SLC17A9: variants seen among roughly 807,000 people sequenced by gnomAD.
The protein encoded by SLC17A9 is solute carrier family 17 member 9, also known as voltage-gated purine nucleotide uniporter SLC17A9.
A neutral mutation model predicts 55.0 loss-of-function variants in SLC17A9; 49 were observed. The observed-to-expected ratio is 0.89, with a 90% confidence interval of 0.71 to 1.13. The LOEUF (loss-of-function observed/expected upper bound fraction) is 1.13, where lower values mean the gene tolerates loss of function less well. SLC17A9 is among the 50% of genes most tolerant of loss of function. The pLI is 0.00. For synonymous variants in SLC17A9, 256 were observed against 247.4 expected (o/e 1.03, Z -0.32); for missense variants, 526 against 569.3 (o/e 0.92, Z 0.77).
chr20:62,958,095 G>T lies in SLC17A9; in HGVS notation c.397+515G>T, dbSNP rs1015345247. Among the ~76,000 whole-genome samples the T allele has an allele frequency of 6.6e-6, 1 of 152,170 alleles. No individual in the cohort carries two copies. The highest frequency in any genetic ancestry group is 2.4e-5 in the African/African-American group (1 of 41,432). On this transcript the variant is annotated intron_variant, in intron 3 of 12. Transcript: ENST00000370351. This position sits in a 1 kb window ranked among gnomAD's most constrained non-coding sequence, Gnocchi z 4.1. ...CATGTGTATGTGTGTGTGCGTTCCT[G>T]TATCCATGTGTATGTGCGTATGCGT...
intron 1 of SLC17A9, among the ~76,000 whole-genome samples, chr20:62,953,896 G>T (rs1226621142): frequency 6.6e-6 from 1 of 152,212 alleles, no homozygotes; most frequent in Admixed American, 6.5e-5. Context: ...AGAGGGGAGG[G>T]CTGCCCTCAG....
chr20:62,967,226 T>G, intron 12 of SLC17A9, 111 bp from the exon 13 acceptor site: 1 of 1,307,296 alleles, frequency 7.6e-7, no homozygotes, highest in Non-Finnish European at 1.1e-6. Context: ...GGGGCTCCTA[T>G]CAGGCGCTAG....
At chr20:62,954,286 C>T (rs2065516781) in intron 1 of SLC17A9, among the ~76,000 whole-genome samples, 1 of 152,244 alleles carries the variant, frequency 6.6e-6, no homozygotes, top group Non-Finnish European at 1.5e-5. Flanking sequence ...CTAGCCCGCC[C>T]TCCTGCAGCC....
intron 1 of SLC17A9, among the ~76,000 whole-genome samples, chr20:62,955,715 A>G (rs552381126): frequency 6.6e-5 from 10 of 152,326 alleles, no homozygotes; most frequent in African/African-American, 2.4e-4. Flanking sequence ...TGTTAAGTCA[A>G]TGAAAACTGT....
intron 10 of SLC17A9, 60 bp from the exon 11 acceptor site, chr20:62,966,465 C>A (rs1252977324): frequency 1.9e-6 from 3 of 1,582,756 alleles, no homozygotes; most frequent in South Asian, 1.1e-5. Context: ...CCTGTGACAA[C>A]CCTGGGCCAC....
rs966454926 is a variant in SLC17A9 at position 62,952,813 on chromosome 20, C to T, written c.-18C>T. 6.5e-6 allele frequency: 10 copies of T among 1,533,758 alleles called. No homozygotes were observed. In the African/African-American group the frequency reaches 1.4e-4, roughly 21 times the overall value. On this transcript the variant is annotated 5_prime_UTR_variant, in exon 1 of 13. Coordinates refer to ENST00000370351, the MANE Select transcript of SLC17A9 (RefSeq NM_022082.4). ...CGGGACACAGCTGTGCCCACGCCGT[C>T]TGAGCACCCCAAGCCCGATGCAGCC... is the stretch of plus-strand genomic sequence containing the variant.
chr20:62,953,268 G>A, intron 1 of SLC17A9: 1 of 1,549,906 alleles, frequency 6.5e-7, no homozygotes, highest in Non-Finnish European at 8.7e-7. Flanking sequence ...CAGTCAGGAG[G>A]CCAGGTAGGG....
intron 1 of SLC17A9, 53 bp downstream of exon 1, chr20:62,952,942 G>A: frequency 7.0e-7 from 1 of 1,434,010 alleles, no homozygotes; most frequent in Non-Finnish European, 9.3e-7. Context: ...TGGGGCCGTG[G>A]GGAGGGAGCT....
chr20:62,957,315 C>T, intron 2 of SLC17A9, 126 bp from the exon 3 acceptor site: 1 of 1,490,110 alleles, frequency 6.7e-7, no homozygotes, highest in Non-Finnish European at 8.9e-7. Flanking sequence ...GGGTCATGAG[C>T]AGGCCCTGTA....
intron 5 of SLC17A9, 100 bp from the exon 6 acceptor site, chr20:62,963,173 T>C: frequency 1.6e-6 from 2 of 1,263,206 alleles, no homozygotes; most frequent in Non-Finnish European, 2.2e-6. Context: ...GGACGAGGCC[T>C]GCTGACCCCT....
Position 62,965,140 on chromosome 20 carries a change from G to A in SLC17A9, c.919G>A (p.Ala307Thr), listed in dbSNP as rs2065623923. The stretch of plus-strand genomic sequence containing the variant: ...TTGGCCTCCCCCTGTAGGTTACAGA[G>A]CCATCACGGTGCGGAAGCTCATGCA... Reference protein sequence around the residue: ...SDHLINQGYRAITVRKLMQGM... With the variant: ...SDHLINQGYRTITVRKLMQGM... Residue 307 changes from alanine (A) to threonine (T), a missense_variant, in exon 9 of 13, where the codon GCC becomes ACC. Ala to Thr is a moderately conservative substitution (Grantham distance 58). Transcript: ENST00000370351. 1 of 1,614,116 alleles carries A rather than the reference G, an allele frequency of 6.2e-7. No individual in the cohort carries two copies. Among genetic ancestry groups the A allele is most frequent in the Non-Finnish European group, 8.5e-7 (1 of 1,180,030 alleles).
chr20:62,957,312 G>T, intron 2 of SLC17A9, 129 bp from the exon 3 acceptor site: 13 of 1,488,334 alleles, frequency 8.7e-6, no homozygotes, highest in Non-Finnish European at 1.2e-5. Flanking sequence ...CTGGGGTCAT[G>T]AGCAGGCCCT....
At chr20:62,959,511 GT>G (rs1399130486) in intron 3 of SLC17A9, among the ~76,000 whole-genome samples, 3 of 152,248 alleles carry the variant, frequency 2.0e-5, no homozygotes, top group Admixed American at 2.0e-4. Flanking sequence ...GCTTTGCCGT[GT>G]TTGTGCACGC....
rs2065559548 is a variant in SLC17A9 at position 62,958,236 on chromosome 20, C to T, written c.397+656C>T. 6.6e-6 allele frequency among the ~76,000 whole-genome samples: 1 copy of T among 152,126 alleles called. No individual in the cohort carries two copies. The highest frequency in any genetic ancestry group is 2.4e-5 in the African/African-American group (1 of 41,420). On this transcript the variant is annotated intron_variant, in intron 3 of 12. Coordinates refer to ENST00000370351, the MANE Select transcript of SLC17A9 (RefSeq NM_022082.4). This position sits in a 1 kb window ranked among gnomAD's most constrained non-coding sequence, Gnocchi z 4.1. Reference sequence around the variant, plus strand: ...TGATACACAGGATCACAGGGGGCACCTGTGTAGTGAACTTGCCCCTGCCCC... The same window carrying T: ...TGATACACAGGATCACAGGGGGCACTTGTGTAGTGAACTTGCCCCTGCCCC...
At chr20:62,956,332 C>T (rs1318896296) in intron 1 of SLC17A9, among the ~76,000 whole-genome samples, 1 of 152,208 alleles carries the variant, frequency 6.6e-6, no homozygotes, top group Admixed American at 6.5e-5. Context: ...TGGGAGCACA[C>T]ACCCGGGGTG....
chr20:62,966,589 C>G lies in SLC17A9; in HGVS notation c.1117+9C>G. On this transcript the variant is annotated intron_variant, in intron 11 of 12. Coordinates refer to ENST00000370351, the MANE Select transcript of SLC17A9 (RefSeq NM_022082.4). ...CGCCGGCTTTCTGTTTGGTGAGGACCTTGCCTTACCCCAGCTTTGCCCCTC... is the reference window on the plus strand; with the variant it reads ...CGCCGGCTTTCTGTTTGGTGAGGACGTTGCCTTACCCCAGCTTTGCCCCTC... 1 of 1,510,978 alleles carries G rather than the reference C, an allele frequency of 6.6e-7. No individual in the cohort carries two copies. Among genetic ancestry groups the G allele is most frequent in the Non-Finnish European group, 8.9e-7 (1 of 1,122,832 alleles). 93.6% of individuals were successfully genotyped at this position (1,510,978 alleles called of 1,614,324 possible). A position where few individuals can be genotyped will look rare whatever the true frequency, so the allele number is the denominator to read the frequency against.
intron 9 of SLC17A9, 91 bp from the exon 10 acceptor site, chr20:62,965,519 G>A (rs1057346090): frequency 4.2e-5 from 51 of 1,228,294 alleles, no homozygotes; most frequent in East Asian, 1.2e-4. Context: ...TGTGCGGTGC[G>A]CCCAGGGGGG....
intron 3 of SLC17A9, among the ~76,000 whole-genome samples, chr20:62,959,187 T>G (rs1240013302): frequency 5.3e-5 from 8 of 152,318 alleles, no homozygotes; most frequent in Middle Eastern, 3.4e-3. Flanking sequence ...CGGACTGGGC[T>G]GACCAATGCC....
chr20:62,963,980 G>T (rs990143598), intron 7 of SLC17A9: 19 of 600,110 alleles, frequency 3.2e-5, no homozygotes, highest in African/African-American at 3.2e-4. Context: ...AGCCTGAGGA[G>T]GCCGGTGCAG....
Sources: gnomAD v4.1 joint callset for allele counts (sites outside exome capture counted in the v4.1 genomes callset) on GRCh38, gnomAD v4.1.1 for gene constraint, Gnocchi (gnomAD v3.1) non-coding constraint, MANE v1.5 for transcripts, NCBI Gene and HGNC (gene_info 2026-07-23, HGNC 2026-07-21) for gene names.